ACSM2A: variants seen among roughly 807,000 people sequenced by gnomAD.
The protein encoded by ACSM2A is acyl-CoA synthetase medium chain family member 2A, also known as acyl-coenzyme A synthetase ACSM2A, mitochondrial.
Under a neutral mutation model 76.6 loss-of-function variants are expected in ACSM2A, and 72 were observed. The observed-to-expected ratio is 0.94, with a 90% confidence interval of 0.78 to 1.14. ACSM2A has a LOEUF of 1.14. Ranked by LOEUF, ACSM2A falls within the 50% of genes most tolerant of loss-of-function variation. The probability of loss-of-function intolerance (pLI) is 0.00; values close to 1 mark genes in which losing one functional copy is unlikely to be tolerated. For synonymous variants in ACSM2A, 249 were observed against 255.9 expected (o/e 0.97, Z 0.26); for missense variants, 684 against 708.5 (o/e 0.97, Z 0.39).
chr16:20,463,525 GCT>G (rs1027549558), intron 2 of ACSM2A, among the ~76,000 whole-genome samples: 3 of 151,670 alleles, frequency 2.0e-5, no homozygotes, highest in East Asian at 1.9e-4. Context: ...ACTTCCCCAC[GCT>G]CTCTCTCTTG....
intron 2 of ACSM2A, among the ~76,000 whole-genome samples, chr16:20,462,701 A>T (rs1051220643): frequency 6.6e-6 from 1 of 152,180 alleles, no homozygotes; most frequent in African/African-American, 2.4e-5. Flanking sequence ...AAACAGAGAA[A>T]TTAGAACCCT....
intron 6 of ACSM2A, among the ~76,000 whole-genome samples, chr16:20,474,564 C>G (rs1013345511): frequency 6.6e-6 from 1 of 152,224 alleles, no homozygotes; most frequent in Non-Finnish European, 1.5e-5. Context: ...ACTCAGTCTC[C>G]GGTACTCAGT....
chr16:20,477,465 T>C lies in ACSM2A; in HGVS notation c.1179+16T>C, dbSNP rs1322833464. On this transcript the variant is annotated intron_variant, in intron 9 of 13. Transcript: ENST00000573854. ...TGATGTACAGGTTTGCTCGGGACAC[T>C]GAGGAGGGAGGAAGTTAGGGGAAAC... The C allele has an allele frequency of 6.3e-6, 10 of 1,588,368 alleles. No homozygotes were observed. Among genetic ancestry groups the C allele is most frequent in the Non-Finnish European group, 8.6e-6 (10 of 1,168,968 alleles).
At chr16:20,459,293 G>A (rs2141690522) in intron 1 of ACSM2A, among the ~76,000 whole-genome samples, 1 of 152,168 alleles carries the variant, frequency 6.6e-6, no homozygotes, top group African/African-American at 2.4e-5. Context: ...CAACAATTAT[G>A]ACAGCTGTAA....
In ACSM2A at chr16:20,469,683, G is replaced by C; in HGVS notation, c.560G>C (p.Ser187Thr). The C allele has an allele frequency of 6.2e-7, 1 of 1,613,842 alleles. No individual in the cohort carries two copies. Among genetic ancestry groups the C allele is most frequent in the East Asian group, 2.2e-5 (1 of 44,870 alleles). Residue 187 changes from serine to threonine, a missense_variant, in exon 4 of 14, where the codon AGC becomes ACC. Transcript: ENST00000573854. ...LRIKLLVSEK[S>T]CDGWLNFKKL... is the part of the protein sequence containing the mutation. ...ATTAAGCTACTGGTGTCTGAGAAAA[G>C]CTGTGATGGGTGGCTGAACTTCAAG...
At chr16:20,464,462 A>G (rs2012843988) in intron 2 of ACSM2A, among the ~76,000 whole-genome samples, 1 of 152,176 alleles carries the variant, frequency 6.6e-6, no homozygotes, top group Admixed American at 6.5e-5. Flanking sequence ...CAAGAAATTT[A>G]CAGTAATGGT....
rs989294658 is a variant in ACSM2A, at chr16:20,475,564, A to G, written c.975-86A>G. On this transcript the variant is annotated intron_variant, in intron 7 of 13. Coordinates refer to ENST00000573854, the MANE Select transcript of ACSM2A (RefSeq NM_001308172.2). ...AGAGCCCCATGAAGCCATTTGCATC[A>G]TCAAAGCACCCAGAAACCCAGTCTA... 37 of 1,605,938 alleles carry G rather than the reference A, an allele frequency of 2.3e-5. No individual in the cohort carries two copies. In the African/African-American group the frequency reaches 2.9e-4, roughly 13 times the overall value.
intron 2 of ACSM2A, among the ~76,000 whole-genome samples, chr16:20,463,197 G>A (rs1331352496): frequency 2.7e-5 from 4 of 150,774 alleles, no homozygotes; most frequent in East Asian, 1.9e-4. Context: ...AAACGTGCAC[G>A]TTGTGCACAT....
At chr16:20,465,016 G>T (rs9923339) in intron 2 of ACSM2A, among the ~76,000 whole-genome samples, 57,501 of 151,440 alleles carry the variant, frequency 0.38, 11,705 homozygotes, top group East Asian at 0.79. Flanking sequence ...AGTGATATTT[G>T]CCTTTTTATT....
intron 3 of ACSM2A, among the ~76,000 whole-genome samples, chr16:20,469,207 T>A (rs554951489): frequency 8.0e-5 from 10 of 124,598 alleles, no homozygotes; most frequent in Admixed American, 3.0e-4. Context: ...TGTAGAAAAT[T>A]TTTTTTGAGG....
chr16:20,460,312 C>T, intron 2 of ACSM2A, 21 bp downstream of exon 2: 1 of 1,613,244 alleles, frequency 6.2e-7, no homozygotes, highest in South Asian at 1.1e-5. Flanking sequence ...GGAAAAGAGG[C>T]ACAGAGTGAG....
intron 1 of ACSM2A, among the ~76,000 whole-genome samples, chr16:20,454,890 C>A (rs2012035885): frequency 7.7e-6 from 1 of 129,444 alleles, no homozygotes. Flanking sequence ...AAGCTGAAGT[C>A]CAATTTAAGG....
In ACSM2A at chr16:20,465,497, C is replaced by G. The variant is rs1188130622; in HGVS notation, c.178-20C>G. On this transcript the variant is annotated intron_variant, in intron 2 of 13. Transcript: ENST00000573854. Reference sequence around the variant, plus strand: ...TTGTGTACCAATGCCCCCTGATCAACAGGGCTTCTCTTTCCTCAGGCTGGC... The same window carrying G: ...TTGTGTACCAATGCCCCCTGATCAAGAGGGCTTCTCTTTCCTCAGGCTGGC... 1.2e-6 allele frequency: 2 copies of G among 1,613,202 alleles called. No homozygotes were observed. Among genetic ancestry groups the G allele is most frequent in the South Asian group, 1.1e-5 (1 of 91,002 alleles).
intron 6 of ACSM2A, among the ~76,000 whole-genome samples, chr16:20,472,265 C>T (rs1041128315): frequency 1.3e-5 from 2 of 152,146 alleles, no homozygotes; most frequent in African/African-American, 4.8e-5. Context: ...CTTCTCATAG[C>T]TCTGGAGGCT....
intron 1 of ACSM2A, among the ~76,000 whole-genome samples, chr16:20,454,114 G>T (rs2011970319): frequency 7.7e-6 from 1 of 129,230 alleles, no homozygotes; most frequent in Admixed American, 7.5e-5. Context: ...ATAAAAACTT[G>T]CTGGTTTTGC....
rs1216920779 is a variant in ACSM2A at position 20,486,631 on chromosome 16, C to T, written c.1687C>T (p.Leu563Phe). The change falls in exon 14 of 14, where the codon CTT becomes TTT. Residue 563 changes from leucine (L) to phenylalanine (F), a missense_variant. Transcript: ENST00000573854. ...TVTGKIQRAK[L>F]RDKEWKMSGK... ...CACAGGGAAAATTCAACGAGCCAAGCTTCGAGACAAGGAGTGGAAGATGTC... is the reference window on the plus strand; with the variant it reads ...CACAGGGAAAATTCAACGAGCCAAGTTTCGAGACAAGGAGTGGAAGATGTC... 1.2e-6 allele frequency: 2 copies of T among 1,614,186 alleles called. No individual in the cohort carries two copies. The highest frequency in any genetic ancestry group is 1.7e-6 in the Non-Finnish European group (2 of 1,180,020).
rs1292178252 is a variant in ACSM2A at position 20,458,376 on chromosome 16, T to C, written c.-8-1731T>C. On this transcript the variant is annotated intron_variant, in intron 1 of 13. Coordinates refer to ENST00000573854, the MANE Select transcript of ACSM2A (RefSeq NM_001308172.2). ...CTAATATATCTAGATATATATGTAT[T>C]ATATATTTATGGATAACATATCTCC... Among the ~76,000 whole-genome samples the C allele has an allele frequency of 2.0e-5, 3 of 147,174 alleles. No individual in the cohort carries two copies. The East Asian group carries it at 5.9e-4, about 29-fold the overall frequency.
At position 20,486,914 on chromosome 16, in the gene ACSM2A, T is replaced by A. The variant is rs1275241180; in HGVS notation, c.*236T>A. On this transcript the variant is annotated 3_prime_UTR_variant, in exon 14 of 14. Coordinates refer to ENST00000573854, the MANE Select transcript of ACSM2A (RefSeq NM_001308172.2). The stretch of plus-strand genomic sequence containing the variant: ...CAGAAAAAAAGGAAAGAAAAGTAAG[T>A]CAGGGAAATATTAAAACTGCAAGGG... 2 of 426,906 alleles carry A rather than the reference T, an allele frequency of 4.7e-6. No individual in the cohort carries two copies. Among genetic ancestry groups the A allele is most frequent in the Non-Finnish European group, 8.2e-6 (2 of 245,228 alleles). The allele number at this position is 426,906 out of a possible 1,614,324, so 26.4% of individuals were successfully genotyped here.
intron 1 of ACSM2A, among the ~76,000 whole-genome samples, chr16:20,458,900 A>T (rs952941617): frequency 3.9e-5 from 2 of 50,856 alleles, no homozygotes; most frequent in Non-Finnish European, 6.2e-5. Flanking sequence ...TATTATATAT[A>T]TATGCATATA....
Sources: allele counts gnomAD v4.1 joint callset (sites outside exome capture counted in the v4.1 genomes callset), GRCh38; gene constraint gnomAD v4.1.1; transcripts MANE v1.5; gene names NCBI Gene and HGNC (gene_info 2026-07-23, HGNC 2026-07-21).